Variants in CRELD2 observed in about 807,000 individuals in gnomAD.
CRELD2 encodes CRELD disulfide isomerase 2, also known as protein disulfide isomerase CRELD2.
Under a neutral mutation model 48.1 loss-of-function variants are expected in CRELD2, and 33 were observed. That is an observed-to-expected ratio of 0.69 (90% confidence interval 0.52 to 0.92). The LOEUF (loss-of-function observed/expected upper bound fraction) is 0.92. Among genes scored for constraint, CRELD2 ranks in the 40% least tolerant of loss-of-function variants. The pLI, the probability that CRELD2 is intolerant of heterozygous loss-of-function variation, is 0.00. For missense variants in CRELD2, 477 were observed against 482.4 expected (o/e 0.99, Z 0.10); for synonymous variants, 220 against 203.9 (o/e 1.08, Z -0.67).
Position 49,919,263 on chromosome 22 carries a change from G to A in CRELD2, c.163G>A (p.Gly55Ser), listed in dbSNP as rs2060650689. 6.2e-7 allele frequency: 1 copy of A among 1,613,766 alleles called. No individual in the cohort carries two copies. The highest frequency in any genetic ancestry group is 8.5e-7 in the Non-Finnish European group (1 of 1,180,014). The stretch of plus-strand genomic sequence containing the variant: ...GGACACCGCAAAGAAGAACTTTGGC[G>A]GCGGGAACACGGCTTGGGAGGAAAA... ...MVDTAKKNFG[G>S]GNTAWEEKTL... The change falls in exon 2 of 10, where the codon GGC (glycine) becomes AGC (serine). Residue 55 changes from glycine to serine, a missense_variant. By Grantham distance (56) the Gly-to-Ser change is moderately conservative. Transcript: ENST00000328268.
intron 9 of CRELD2, 143 bp downstream of exon 9, chr22:49,925,700 A>G: frequency 6.7e-7 from 1 of 1,488,058 alleles, no homozygotes; most frequent in Non-Finnish European, 8.9e-7. Context: ...CAGGTGCATG[A>G]CATCTCTGTG....
At chr22:49,920,130 C>G (rs1268376143) in intron 3 of CRELD2, 26 bp from the exon 4 acceptor site, 1 of 1,455,616 alleles carries the variant, frequency 6.9e-7, no homozygotes, top group Non-Finnish European at 9.7e-7. Context: ...TGCTGGGATT[C>G]AGTGAATGTT....
chr22:49,922,804 G>GTAAGGCGTGGGGGGTGTGAGGT (rs2060708049), intron 6 of CRELD2, 97 bp downstream of exon 6: 1 of 121,058 alleles, frequency 8.3e-6, no homozygotes, highest in African/African-American at 3.4e-5. Flanking sequence ...GCATGGGGGC[G>GTAAGGCGTGGGGGGTGTGAGGT]GGAGGCAGGG....
rs1450696152 is a variant in CRELD2, at chr22:49,919,794, A to G, written c.277A>G (p.Met93Val). The change falls in exon 3 of 10, where the codon ATG becomes GTG. Residue 93 changes from methionine (M) to valine (V), a missense_variant. Physicochemically the swap from Met to Val is conservative, Grantham distance 21. Transcript: ENST00000328268. ...CESSDFECNQ[M>V]LEAQEEHLEA... Reference sequence around the variant, plus strand: ...GAGCAGCGACTTCGAATGCAATCAGATGCTAGAGGCGCAGGAGGAGCACCT... The same window carrying G: ...GAGCAGCGACTTCGAATGCAATCAGGTGCTAGAGGCGCAGGAGGAGCACCT... The G allele has an allele frequency of 2.5e-6, 4 of 1,613,150 alleles. No individual in the cohort carries two copies. The highest frequency in any genetic ancestry group is 3.4e-6 in the Non-Finnish European group (4 of 1,179,684).
chr22:49,918,968 C>A, intron 1 of CRELD2, 70 bp downstream of exon 1: 1 of 1,263,794 alleles, frequency 7.9e-7, no homozygotes, highest in Non-Finnish European at 1.0e-6. Context: ...CCGGGGTCGC[C>A]CCACCTTGGG....
At chr22:49,925,930 T>C in intron 9 of CRELD2, 1 of 238,048 alleles carries the variant, frequency 4.2e-6, no homozygotes, top group Non-Finnish European at 7.9e-6. Flanking sequence ...AGGCAGGAAG[T>C]GGTGGAGGGC....
At chr22:49,920,666 T>C (rs985445471) in intron 4 of CRELD2, among the ~76,000 whole-genome samples, 1 of 152,264 alleles carries the variant, frequency 6.6e-6, no homozygotes. Flanking sequence ...TCTATCAGGC[T>C]GGGCACATGG....
At chr22:49,923,196 T>G in intron 6 of CRELD2, 38 bp from the exon 7 acceptor site, 1 of 1,494,430 alleles carries the variant, frequency 6.7e-7, no homozygotes. Flanking sequence ...CTGGCCGGGC[T>G]GTCCTGGGCC....
At position 49,918,693 on chromosome 22, in the gene CRELD2, T is replaced by A. The variant is rs2060639024; in HGVS notation, c.-77T>A. ...ACAGGCCGGCGCGGCTGGGAGCGGG[T>A]GGGCGGCCGGGAGGCCGGAGCAGCA... On this transcript the variant is annotated 5_prime_UTR_variant, in exon 1 of 10. Coordinates refer to ENST00000328268, the MANE Select transcript of CRELD2 (RefSeq NM_024324.5). The A allele has an allele frequency of 5.9e-6, 3 of 506,748 alleles. No individual in the cohort carries two copies. The highest frequency in any genetic ancestry group is 9.0e-6 in the Non-Finnish European group (3 of 334,732). 31.4% of individuals were successfully genotyped at this position (506,748 alleles called of 1,614,324 possible). A position where few individuals can be genotyped will look rare whatever the true frequency, so the allele number is the denominator to read the frequency against.
At position 49,922,639 on chromosome 22, in the gene CRELD2, C is replaced by T. The variant is rs868106914; in HGVS notation, c.620C>T (p.Ser207Leu). 8 of 1,568,750 alleles carry T rather than the reference C, an allele frequency of 5.1e-6. No individual in the cohort carries two copies. Among genetic ancestry groups the T allele is most frequent in the African/African-American group, 2.7e-5 (2 of 72,896 alleles). Residue 207 changes from serine to leucine, a missense_variant, in exon 6 of 10, where the codon TCG becomes TTG. Transcript: ENST00000328268. ...TACDESCKTCSGLTNRDCGEC... is the reference protein window; with the variant it reads ...TACDESCKTCLGLTNRDCGEC... The stretch of plus-strand genomic sequence containing the variant: ...TGTGACGAGTCCTGCAAGACGTGCT[C>T]GGGCCTGACCAACAGAGACTGCGGC...
chr22:49,922,721 C>G lies in CRELD2; in HGVS notation c.688+14C>G, dbSNP rs9616209. The G allele has an allele frequency of 1.2e-5, 17 of 1,386,856 alleles. No individual in the cohort carries two copies. In the African/African-American group the frequency reaches 2.5e-4, roughly 20 times the overall value. The allele number at this position is 1,386,856 out of a possible 1,614,324, so 85.9% of individuals were successfully genotyped here. On this transcript the variant is annotated intron_variant, in intron 6 of 9. Transcript: ENST00000328268. ...GCGCCTGTGTGGGTGAGGAGCGGCC[C>G]GGGGGTGGAGGAGGGCGCCTGCGTG...
At position 49,924,377 on chromosome 22, in the gene CRELD2, G is replaced by A; in HGVS notation, c.790G>A (p.Val264Met). Reference sequence around the variant, plus strand: ...TGTTGCAGAGTGTGACTCCAGCTGTGTGGGCTGCACAGGGGAAGGCCCAGG... The same window carrying A: ...TGTTGCAGAGTGTGACTCCAGCTGTATGGGCTGCACAGGGGAAGGCCCAGG... Reference protein sequence around the residue: ...YTCEECDSSCVGCTGEGPGNC... With the variant: ...YTCEECDSSCMGCTGEGPGNC... The change falls in exon 8 of 10, where the codon GTG becomes ATG. Residue 264 changes from valine (V) to methionine (M), a missense_variant. Coordinates refer to ENST00000328268, the MANE Select transcript of CRELD2 (RefSeq NM_024324.5). 6.2e-7 allele frequency: 1 copy of A among 1,612,114 alleles called. No homozygotes were observed. The highest frequency in any genetic ancestry group is 1.3e-5 in the African/African-American group (1 of 75,022).
chr22:49,920,303 A>C, intron 4 of CRELD2, 56 bp downstream of exon 4: 1 of 1,261,006 alleles, frequency 7.9e-7, no homozygotes, highest in Non-Finnish European at 1.1e-6. Context: ...TCTTCTTCTC[A>C]TGATTCTTGG....
Position 49,923,289 on chromosome 22 carries a change from G to T in CRELD2, c.744G>T (p.Lys248Asn), listed in dbSNP as rs899782895. Residue 248 changes from lysine (K) to asparagine (N), a missense_variant, in exon 7 of 10, where the codon AAG becomes AAT. Lys to Asn is a moderately conservative substitution (Grantham distance 94). Coordinates refer to ENST00000328268, the MANE Select transcript of CRELD2 (RefSeq NM_024324.5). ...CCTGCAGCGCTGCGCAGTTCTGTAA[G>T]AACGCCAACGGCTCCTACACGTGCG... ...PPPCSAAQFC[K>N]NANGSYTCEE... 5.6e-6 allele frequency: 9 copies of T among 1,611,374 alleles called. No individual in the cohort carries two copies. Among genetic ancestry groups the T allele is most frequent in the Admixed American group, 5.0e-5 (3 of 59,866 alleles).
At chr22:49,925,275 C>A in intron 8 of CRELD2, 142 bp from the exon 9 acceptor site, 1 of 649,590 alleles carries the variant, frequency 1.5e-6, no homozygotes, top group Non-Finnish European at 2.6e-6. Context: ...GAAGCCTTTC[C>A]TGATCTTTGC....
At position 49,924,447 on chromosome 22, in the gene CRELD2, A is replaced by C. The variant is rs1215523589; in HGVS notation, c.860A>C (p.Gln287Pro). The stretch of plus-strand genomic sequence containing the variant: ...TCTGGCTACGCGAGGGAGCACGGAC[A>C]GTGTGCAGGTCAGTGACGGGGTCTG... ...CISGYAREHGQCADVDECSLA... is the reference protein window; with the variant it reads ...CISGYAREHGPCADVDECSLA... Residue 287 changes from glutamine (Q) to proline (P), a missense_variant, in exon 8 of 10, where the codon CAG becomes CCG. Transcript: ENST00000328268. 6.2e-7 allele frequency: 1 copy of C among 1,605,600 alleles called. No individual in the cohort carries two copies. Among genetic ancestry groups the C allele is most frequent in the Non-Finnish European group, 8.5e-7 (1 of 1,175,618 alleles).
Position 49,919,291 on chromosome 22 carries a change from C to A in CRELD2, c.191C>A (p.Thr64Lys), listed in dbSNP as rs770864115. The A allele has an allele frequency of 4.3e-6, 7 of 1,613,536 alleles. No individual in the cohort carries two copies. The South Asian group carries it at 7.7e-5, about 18-fold the overall frequency. Reference protein sequence around the residue: ...GGGNTAWEEKTLSKYESSEIR... With the variant: ...GGGNTAWEEKKLSKYESSEIR... ...GGGAACACGGCTTGGGAGGAAAAGACGCTGTCCAAGTACGAGTCCAGGTGG... is the reference window on the plus strand; with the variant it reads ...GGGAACACGGCTTGGGAGGAAAAGAAGCTGTCCAAGTACGAGTCCAGGTGG... The change falls in exon 2 of 10, where the codon ACG becomes AAG. Residue 64 changes from threonine (T) to lysine (K), a missense_variant. Transcript: ENST00000328268.
chr22:49,920,325 A>G, intron 4 of CRELD2, 78 bp downstream of exon 4: 1 of 1,039,206 alleles, frequency 9.6e-7, no homozygotes, highest in Non-Finnish European at 1.5e-6. Flanking sequence ...AGGTAAAAGC[A>G]CAGAGGGGAC....
At chr22:49,921,038 A>G (rs1252957852) in intron 4 of CRELD2, among the ~76,000 whole-genome samples, 2 of 152,140 alleles carry the variant, frequency 1.3e-5, no homozygotes, top group East Asian at 3.9e-4. Flanking sequence ...CGACTTTGTC[A>G]TGGTGCAAAC....
Sources: allele counts gnomAD v4.1 joint callset (sites outside exome capture counted in the v4.1 genomes callset), GRCh38; gene constraint gnomAD v4.1.1; transcripts MANE v1.5; gene names NCBI Gene and HGNC (gene_info 2026-07-23, HGNC 2026-07-21).